The following ZNF438 variants were observed in gnomAD, a reference collection of about 807,000 sequenced individuals.
ZNF438 encodes the protein zinc finger protein 438.
ZNF438 carries 25 observed loss-of-function variants against 38.0 expected under a neutral mutation model. The observed-to-expected ratio is 0.66, with a 90% confidence interval of 0.48 to 0.92. The LOEUF is 0.92. ZNF438 is among the 40% of genes least tolerant of loss of function. The pLI is 0.00. For missense variants in ZNF438, 1,007 were observed against 999.6 expected, an observed-to-expected ratio of 1.01 and a Z score of -0.10; for synonymous variants, 372 against 364.1, an observed-to-expected ratio of 1.02 and a Z score of -0.25.
At chr10:30,957,694 A>C (rs1311518615) in intron 1 of ZNF438, among the ~76,000 whole-genome samples, 3 of 152,068 alleles carry the variant, frequency 2.0e-5, no homozygotes, top group African/African-American at 7.2e-5. Flanking sequence ...TCTATTCTGT[A>C]CCACTGTCCT....
intron 1 of ZNF438, among the ~76,000 whole-genome samples, chr10:30,974,793 T>C (rs2051152251): frequency 6.6e-6 from 1 of 152,222 alleles, no homozygotes; most frequent in Admixed American, 6.5e-5. Flanking sequence ...TTAGAAAGGA[T>C]CTTTGAGTCA....
intron 4 of ZNF438, among the ~76,000 whole-genome samples, chr10:30,853,008 A>C (rs2033961784): frequency 6.6e-6 from 1 of 152,156 alleles, no homozygotes; most frequent in African/African-American, 2.4e-5. Context: ...AGTCATAAAT[A>C]AACACTTTAA....
intron 1 of ZNF438, among the ~76,000 whole-genome samples, chr10:31,007,489 T>C (rs1237829832): frequency 6.6e-6 from 1 of 151,826 alleles, no homozygotes; most frequent in Non-Finnish European, 1.5e-5. Flanking sequence ...ATCATGTTGG[T>C]CAGGCTGGTC....
chr10:30,970,651 T>A (rs2050642239), intron 1 of ZNF438, among the ~76,000 whole-genome samples: 1 of 152,192 alleles, frequency 6.6e-6, no homozygotes, highest in Non-Finnish European at 1.5e-5. Context: ...ACCTACCCAA[T>A]ACCCCTTTCT....
At chr10:30,860,921 C>T (rs2133142565) in intron 4 of ZNF438, among the ~76,000 whole-genome samples, 1 of 151,998 alleles carries the variant, frequency 6.6e-6, no homozygotes, top group South Asian at 2.1e-4. Context: ...GGATGGGGCC[C>T]AGAGTGGGGT....
At chr10:30,940,120 A>G (rs574810781) in intron 2 of ZNF438, among the ~76,000 whole-genome samples, 1 of 152,292 alleles carries the variant, frequency 6.6e-6, no homozygotes, top group South Asian at 2.1e-4. Flanking sequence ...ATATGCATTT[A>G]TAAGGATGAA....
chr10:30,872,086 T>C (rs1044977445), intron 4 of ZNF438, among the ~76,000 whole-genome samples: 3 of 152,114 alleles, frequency 2.0e-5, no homozygotes, highest in African/African-American at 7.2e-5. Flanking sequence ...ACTGTAAGGC[T>C]GACAAGTGAC....
intron 1 of ZNF438, among the ~76,000 whole-genome samples, chr10:30,971,625 G>A (rs990210800): frequency 1.3e-5 from 2 of 151,944 alleles, no homozygotes; most frequent in African/African-American, 4.8e-5. Flanking sequence ...GTTGATTTCA[G>A]TATTACATGA....
intron 1 of ZNF438, among the ~76,000 whole-genome samples, chr10:30,968,969 A>C (rs182250109): frequency 3.2e-4 from 48 of 152,320 alleles, no homozygotes; most frequent in Admixed American, 9.8e-4. Flanking sequence ...GTAAAAATAC[A>C]CACAGTCCTC....
intron 2 of ZNF438, among the ~76,000 whole-genome samples, chr10:30,936,994 G>A (rs2046329133): frequency 6.6e-6 from 1 of 152,170 alleles, no homozygotes; most frequent in Non-Finnish European, 1.5e-5. Context: ...TCCTCAGTGT[G>A]TGTACCTTAG....
intron 1 of ZNF438, among the ~76,000 whole-genome samples, chr10:30,992,829 T>G (rs1589625110): frequency 6.6e-6 from 1 of 152,326 alleles, no homozygotes; most frequent in South Asian, 2.1e-4. Context: ...GAACTTGGAA[T>G]AAAGGCCACA....
chr10:30,975,410 T>A (rs977730543), intron 1 of ZNF438, among the ~76,000 whole-genome samples: 1 of 152,196 alleles, frequency 6.6e-6, no homozygotes, highest in African/African-American at 2.4e-5. Context: ...CAAATACCAA[T>A]GAGAATCTAA....
intron 1 of ZNF438, among the ~76,000 whole-genome samples, chr10:30,966,904 A>G (rs1589467728): frequency 6.6e-6 from 1 of 152,162 alleles, no homozygotes; most frequent in East Asian, 1.9e-4. Context: ...CAGACAGTTT[A>G]CTTTGCCTAC....
chr10:30,901,680 C>T (rs1319493073), intron 3 of ZNF438, among the ~76,000 whole-genome samples: 1 of 151,848 alleles, frequency 6.6e-6, no homozygotes, highest in Non-Finnish European at 1.5e-5. Context: ...CGGCGATAGT[C>T]TCACCGCTTG....
intron 3 of ZNF438, among the ~76,000 whole-genome samples, chr10:30,893,865 A>C (rs2041009896): frequency 6.6e-6 from 1 of 152,230 alleles, no homozygotes; most frequent in Non-Finnish European, 1.5e-5. Context: ...AAAAAGTCTT[A>C]TCCTCTGGGA....
Position 30,849,605 on chromosome 10 carries a change from T to C in ZNF438, c.800A>G (p.Lys267Arg), listed in dbSNP as rs779503406. ...GGTTGGTGATAAATTGGTCATGGTT[T>C]TTGCAAGATCAACTTGTTCTTTAAA... Residue 267 changes from lysine to arginine, a missense_variant, in exon 5 of 6, where the codon AAA becomes AGA. Lys to Arg is a conservative substitution (Grantham distance 26). Coordinates refer to ENST00000413025, the Ensembl canonical transcript of ZNF438. 5.0e-6 allele frequency: 8 copies of C among 1,614,092 alleles called. No homozygotes were observed. The Admixed American group carries it at 1.2e-4, about 24-fold the overall frequency.
At chr10:30,869,953 G>A (rs567199714) in intron 4 of ZNF438, among the ~76,000 whole-genome samples, 9 of 152,318 alleles carry the variant, frequency 5.9e-5, no homozygotes, top group African/African-American at 2.2e-4. Flanking sequence ...TTCAATGTGA[G>A]GGCTGGAGAG....
intron 2 of ZNF438, among the ~76,000 whole-genome samples, chr10:30,925,165 A>T: frequency 6.6e-6 from 1 of 151,958 alleles, no homozygotes; most frequent in East Asian, 1.9e-4. Flanking sequence ...CCATTCCTAC[A>T]TCTTTTCTTG....
At chr10:30,939,598 C>A (rs181453821) in intron 2 of ZNF438, among the ~76,000 whole-genome samples, 26 of 152,308 alleles carry the variant, frequency 1.7e-4, no homozygotes, top group Admixed American at 5.9e-4. Context: ...GCAAGTGTCC[C>A]TTTGCCCTCA....
Sources: allele counts gnomAD v4.1 joint callset (sites outside exome capture counted in the v4.1 genomes callset), GRCh38; gene constraint gnomAD v4.1.1; transcripts MANE v1.5; gene names NCBI Gene and HGNC (gene_info 2026-07-23, HGNC 2026-07-21).